Variants in DAG1 observed in about 807,000 individuals in gnomAD.
DAG1 encodes dystroglycan 1.
A neutral mutation model predicts 46.1 loss-of-function variants in DAG1; 8 were observed. The ratio of observed to expected loss-of-function variants is 0.17; its 90% confidence interval spans 0.10 to 0.31. The LOEUF (loss-of-function observed/expected upper bound fraction) is 0.31, where lower values mean the gene tolerates loss of function less well. DAG1 is among the 10% of genes least tolerant of loss of function. DAG1 has a pLI of 1.00. For synonymous variants in DAG1, 495 were observed against 481.8 expected (o/e 1.03, Z -0.36); for missense variants, 1,003 against 1,189.9 (o/e 0.84, Z 2.31).
At chr3:49,511,890 A>C (rs1198440776) in intron 2 of DAG1, among the ~76,000 whole-genome samples, 1 of 152,230 alleles carries the variant, frequency 6.6e-6, no homozygotes, top group Admixed American at 6.5e-5. Flanking sequence ...GTGTAGTGTT[A>C]AAGTAGCCTT....
Position 49,531,434 on chromosome 3 carries a change from A to G in DAG1, c.923A>G (p.Lys308Arg), listed in dbSNP as rs2051341725. The change falls in exon 3 of 3, where the codon AAA (lysine) becomes AGA (arginine). Residue 308 changes from lysine (K) to arginine (R), a missense_variant. By Grantham distance (26) the Lys-to-Arg change is conservative. Around this residue, in one of 3 missense-constraint regions of DAG1, gnomAD observed 755 missense variants for 854.1 expected, o/e 0.88. Coordinates refer to ENST00000308775, the MANE Select transcript of DAG1 (RefSeq NM_004393.6). This position sits in a 1 kb window ranked among gnomAD's most constrained non-coding sequence, Gnocchi z 7.0. ...HIANKKPPLP[K>R]RVRRQIHATP... ...GCCAATAAGAAGCCCCCTCTTCCCA[A>G]ACGCGTCCGGAGGCAGATCCATGCT... 6.2e-7 allele frequency: 1 copy of G among 1,613,814 alleles called. No homozygotes were observed. The highest frequency in any genetic ancestry group is 8.5e-7 in the Non-Finnish European group (1 of 1,179,978).
chr3:49,509,922 T>TG (rs1320541514), intron 1 of DAG1, among the ~76,000 whole-genome samples: 1 of 152,178 alleles, frequency 6.6e-6, no homozygotes, highest in South Asian at 2.1e-4. Context: ...AGAGATGGGA[T>TG]TTTACCATGT....
At chr3:49,482,634 T>G (rs1399754993) in intron 1 of DAG1, among the ~76,000 whole-genome samples, 1 of 152,200 alleles carries the variant, frequency 6.6e-6, no homozygotes, top group Non-Finnish European at 1.5e-5. Flanking sequence ...TGACGTAGAT[T>G]CTATTGCTTA....
intron 1 of DAG1, among the ~76,000 whole-genome samples, chr3:49,481,177 C>G (rs2049870877): frequency 6.8e-6 from 1 of 146,154 alleles, no homozygotes; most frequent in South Asian, 2.2e-4. Flanking sequence ...ATCACAAGGT[C>G]AGGAGATGGA....
intron 1 of DAG1, among the ~76,000 whole-genome samples, chr3:49,486,536 A>G (rs1375361475): frequency 7.4e-6 from 1 of 134,740 alleles, no homozygotes; most frequent in African/African-American, 2.9e-5. Flanking sequence ...TTTTTTTGAG[A>G]CAGAGTCTCA....
intron 1 of DAG1, among the ~76,000 whole-genome samples, chr3:49,479,934 C>T (rs1410055056): frequency 6.9e-6 from 1 of 145,132 alleles, no homozygotes; most frequent in Non-Finnish European, 1.5e-5. Flanking sequence ...GCCCCCGCGC[C>T]AGCCTGAATA....
intron 1 of DAG1, among the ~76,000 whole-genome samples, chr3:49,480,267 CTTT>C (rs1043834393): frequency 5.0e-5 from 5 of 100,004 alleles, no homozygotes; most frequent in Non-Finnish European, 8.2e-5. Context: ...TATAACATTT[CTTT>C]TTTTTTTTTT....
chr3:49,495,740 T>C (rs1268117645), intron 1 of DAG1, among the ~76,000 whole-genome samples: 1 of 151,824 alleles, frequency 6.6e-6, no homozygotes, highest in African/African-American at 2.4e-5. Context: ...GCCAATACGG[T>C]GAAACCCTGT....
intron 1 of DAG1, among the ~76,000 whole-genome samples, chr3:49,502,468 C>T (rs574788845): frequency 1.3e-4 from 20 of 152,106 alleles, no homozygotes; most frequent in African/African-American, 4.3e-4. Context: ...AAGGTTCCTG[C>T]GGAGGAATGG....
intron 1 of DAG1, among the ~76,000 whole-genome samples, chr3:49,484,449 A>G (rs895079524): frequency 2.6e-5 from 4 of 152,032 alleles, no homozygotes; most frequent in Non-Finnish European, 5.9e-5. Flanking sequence ...TATGTAGGCC[A>G]CCTGATTACC....
At chr3:49,493,477 A>G (rs900994252) in intron 1 of DAG1, among the ~76,000 whole-genome samples, 1 of 152,214 alleles carries the variant, frequency 6.6e-6, no homozygotes, top group African/African-American at 2.4e-5. Flanking sequence ...TGGAGACAGA[A>G]GAAGCTGAGA....
In DAG1 at chr3:49,481,981, C is replaced by T. The variant is rs184007621; in HGVS notation, c.-117+11548C>T. On this transcript the variant is annotated intron_variant, in intron 1 of 2. Coordinates refer to ENST00000308775, the MANE Select transcript of DAG1 (RefSeq NM_004393.6). The stretch of plus-strand genomic sequence containing the variant: ...TGAAACATGAATAAACTTTTATCAT[C>T]GTCATCATTTCCTAAATGTTAGAAC... Among the ~76,000 whole-genome samples, 291 of 152,248 alleles carry T rather than the reference C, an allele frequency of 1.9e-3. 1 individual carries two copies. Among genetic ancestry groups the T allele is most frequent in the Admixed American group, 7.9e-3 (121 of 15,266 alleles).
At chr3:49,508,882 G>A (rs1004545237) in intron 1 of DAG1, among the ~76,000 whole-genome samples, 1 of 152,134 alleles carries the variant, frequency 6.6e-6, no homozygotes, top group Non-Finnish European at 1.5e-5. Context: ...CCACATGAAT[G>A]TATCTCTATA....
At chr3:49,502,701 C>A (rs62261189) in intron 1 of DAG1, among the ~76,000 whole-genome samples, 1 of 144,440 alleles carries the variant, frequency 6.9e-6, no homozygotes, top group Non-Finnish European at 1.5e-5. Context: ...TGCAGTGGTG[C>A]GATCTCGGCT....
intron 1 of DAG1, among the ~76,000 whole-genome samples, chr3:49,490,582 T>C (rs974608145): frequency 1.5e-4 from 23 of 151,730 alleles, no homozygotes; most frequent in Non-Finnish European, 4.4e-5. Context: ...TTTATTTTTT[T>C]TTTTTGGGAC....
chr3:49,503,275 A>C (rs1365087896), intron 1 of DAG1, among the ~76,000 whole-genome samples: 1 of 152,088 alleles, frequency 6.6e-6, no homozygotes, highest in Non-Finnish European at 1.5e-5. Context: ...ATTGGTGTGG[A>C]AAGGTTTTTG....
chr3:49,508,981 A>G (rs1428395727), intron 1 of DAG1, among the ~76,000 whole-genome samples: 5 of 152,224 alleles, frequency 3.3e-5, no homozygotes, highest in African/African-American at 1.2e-4. Context: ...TCAAAATACA[A>G]TTCATAAGAT....
intron 1 of DAG1, among the ~76,000 whole-genome samples, chr3:49,493,217 C>T (rs1188260863): frequency 6.6e-6 from 1 of 151,436 alleles, no homozygotes; most frequent in East Asian, 1.9e-4. Context: ...CCAATTTTTT[C>T]ATATTTTGTA....
At chr3:49,528,636 A>G (rs2051256537) in intron 2 of DAG1, among the ~76,000 whole-genome samples, 1 of 152,150 alleles carries the variant, frequency 6.6e-6, no homozygotes, top group African/African-American at 2.4e-5. Flanking sequence ...AAATATATTT[A>G]GCATTTTTCA....
Sources: gnomAD v4.1 joint callset for allele counts (sites outside exome capture counted in the v4.1 genomes callset) on GRCh38, gnomAD v4.1.1 for gene constraint, gnomAD v4.1.1 regional missense constraint, Gnocchi (gnomAD v3.1) non-coding constraint, MANE v1.5 for transcripts, NCBI Gene and HGNC (gene_info 2026-07-23, HGNC 2026-07-21) for gene names.